The following MLIP variants were observed in gnomAD, a reference collection of about 807,000 sequenced individuals.
MLIP encodes the protein muscular LMNA-interacting protein.
MLIP carries 79 observed loss-of-function variants against 84.8 expected under a neutral mutation model. That is an observed-to-expected ratio of 0.93 (90% CI 0.78 to 1.12). The LOEUF is 1.12. Among genes scored for constraint, MLIP ranks in the 50% most tolerant of loss-of-function variants. MLIP has a pLI of 0.00. For synonymous variants in MLIP, 504 were observed against 463.0 expected, an observed-to-expected ratio of 1.09 and a Z score of -1.14; for missense variants, 1,257 against 1,160.6, an observed-to-expected ratio of 1.08 and a Z score of -1.21.
chr6:54,096,322 A>T (rs1007723843), intron 1 of MLIP, among the ~76,000 whole-genome samples: 2 of 152,138 alleles, frequency 1.3e-5, no homozygotes, highest in African/African-American at 4.8e-5. Flanking sequence ...TTTATTATTA[A>T]AATTGGTACT....
At chr6:54,031,716 A>G (rs1368956975) in intron 1 of MLIP, 1 of 152,260 alleles carries the variant, frequency 6.6e-6, no homozygotes, top group East Asian at 1.9e-4. Flanking sequence ...GGGAAGAGAC[A>G]GATGAGATAT....
chr6:54,120,770 A>G (rs1261935709), intron 1 of MLIP, among the ~76,000 whole-genome samples: 1 of 152,008 alleles, frequency 6.6e-6, no homozygotes, highest in Non-Finnish European at 1.5e-5. Flanking sequence ...TGGGTTGGGT[A>G]GGCACCCTTC....
intron 8 of MLIP, among the ~76,000 whole-genome samples, chr6:54,167,161 C>T (rs763576024): frequency 9.2e-5 from 14 of 152,000 alleles, no homozygotes; most frequent in African/African-American, 1.2e-4. Flanking sequence ...ACACATCAAA[C>T]GCAGAAAACC....
intron 5 of MLIP, among the ~76,000 whole-genome samples, chr6:54,154,224 T>A (rs949148152): frequency 2.6e-5 from 4 of 152,158 alleles, no homozygotes; most frequent in Admixed American, 2.6e-4. Context: ...TCCAATTTTA[T>A]TCCACAGGCT....
chr6:54,176,776 G>T (rs1331640401), intron 9 of MLIP, among the ~76,000 whole-genome samples: 1 of 152,002 alleles, frequency 6.6e-6, no homozygotes, highest in East Asian at 1.9e-4. Flanking sequence ...AAAGCTGAAG[G>T]CATCATGCTA....
chr6:54,072,489 C>T (rs1766547930), intron 1 of MLIP, among the ~76,000 whole-genome samples: 1 of 152,158 alleles, frequency 6.6e-6, no homozygotes, highest in African/African-American at 2.4e-5. Flanking sequence ...GAGGAATCCT[C>T]CCACTGAACT....
intron 1 of MLIP, among the ~76,000 whole-genome samples, chr6:54,081,174 C>T (rs183079586): frequency 6.6e-6 from 1 of 152,272 alleles, no homozygotes; most frequent in East Asian, 1.9e-4. Flanking sequence ...ATTCACTAGT[C>T]TCTCTGGGAA....
At chr6:54,093,329 A>AATTCT (rs70980891) in intron 1 of MLIP, among the ~76,000 whole-genome samples, 27,127 of 133,910 alleles carry the variant, frequency 0.2, 3,001 homozygotes, top group East Asian at 0.22. Flanking sequence ...TTTTCGATTA[A>AATTCT]ATTCTATTCT....
intron 1 of MLIP, among the ~76,000 whole-genome samples, chr6:54,120,240 A>ATT (rs10708240): frequency 6.9e-6 from 1 of 145,200 alleles, no homozygotes; most frequent in Non-Finnish European, 1.5e-5. Flanking sequence ...TCTTTTTTTT[A>ATT]TTTTTTTTTT....
At chr6:54,073,647 G>A (rs1766620207) in intron 1 of MLIP, among the ~76,000 whole-genome samples, 2 of 152,140 alleles carry the variant, frequency 1.3e-5, no homozygotes, top group Non-Finnish European at 2.9e-5. Context: ...TAAGTCTGAG[G>A]TGAGGCCTGA....
chr6:54,096,044 A>G (rs1403842829), intron 1 of MLIP, among the ~76,000 whole-genome samples: 1 of 152,168 alleles, frequency 6.6e-6, no homozygotes, highest in African/African-American at 2.4e-5. Flanking sequence ...CAAAAAACTT[A>G]TATCTTATGC....
At chr6:54,228,888 T>C (rs971841058) in intron 11 of MLIP, among the ~76,000 whole-genome samples, 9 of 152,218 alleles carry the variant, frequency 5.9e-5, no homozygotes, top group Non-Finnish European at 1.0e-4. Flanking sequence ...TTAATCACTT[T>C]CACACTGATT....
intron 12 of MLIP, among the ~76,000 whole-genome samples, chr6:54,236,710 A>G (rs925078942): frequency 6.6e-5 from 10 of 152,124 alleles, no homozygotes; most frequent in Non-Finnish European, 1.5e-4. Context: ...GCCCCTAAGC[A>G]TAGTGTTGAA....
At chr6:54,257,230 C>A in intron 12 of MLIP, 78 bp from the exon 13 acceptor site, 4 of 971,206 alleles carry the variant, frequency 4.1e-6, no homozygotes, top group Non-Finnish European at 6.5e-6. Context: ...CATTGTCAAT[C>A]TGTTTAAATG....
intron 9 of MLIP, among the ~76,000 whole-genome samples, chr6:54,182,878 A>G (rs550948085): frequency 6.6e-6 from 1 of 152,314 alleles, no homozygotes; most frequent in East Asian, 1.9e-4. Flanking sequence ...ATAACAACTT[A>G]TTTTATAAAT....
chr6:54,141,833 G>A (rs1382492049), intron 4 of MLIP, among the ~76,000 whole-genome samples: 2 of 152,184 alleles, frequency 1.3e-5, no homozygotes, highest in Non-Finnish European at 2.9e-5. Context: ...ACCGAAGACA[G>A]TCTGAAGATT....
At chr6:54,035,386 T>C (rs1764370122) in intron 1 of MLIP, among the ~76,000 whole-genome samples, 1 of 152,194 alleles carries the variant, frequency 6.6e-6, no homozygotes, top group Non-Finnish European at 1.5e-5. Flanking sequence ...TTGTGTGGTT[T>C]CCAATGTTTA....
intron 4 of MLIP, among the ~76,000 whole-genome samples, chr6:54,143,393 A>G (rs540230440): frequency 2.6e-5 from 4 of 151,924 alleles, no homozygotes; most frequent in Non-Finnish European, 5.9e-5. Flanking sequence ...TTTAGTAGAG[A>G]CGGGGTTTCA....
At chr6:54,087,814 CTCTT>C (rs1420763498) in intron 1 of MLIP, among the ~76,000 whole-genome samples, 3 of 70,820 alleles carry the variant, frequency 4.2e-5, no homozygotes, top group African/African-American at 1.1e-4. Flanking sequence ...GGGAAAGATA[CTCTT>C]TTTTTTTTTT....
Sources: gnomAD v4.1 joint callset for allele counts (sites outside exome capture counted in the v4.1 genomes callset) on GRCh38, gnomAD v4.1.1 for gene constraint, MANE v1.5 for transcripts, NCBI Gene and HGNC (gene_info 2026-07-23, HGNC 2026-07-21) for gene names.